PCDHGB3: variants seen among roughly 807,000 people sequenced by gnomAD.
The protein encoded by PCDHGB3 is protocadherin gamma-B3.
PCDHGB3 carries 40 observed loss-of-function variants against 59.2 expected under a neutral mutation model. That is an observed-to-expected ratio of 0.68 (90% CI 0.52 to 0.88). The LOEUF (loss-of-function observed/expected upper bound fraction) is 0.88. PCDHGB3 is among the 40% of genes least tolerant of loss of function. The pLI, the probability that PCDHGB3 is intolerant of heterozygous loss-of-function variation, is 0.00. For synonymous variants in PCDHGB3, 581 were observed against 503.6 expected, an observed-to-expected ratio of 1.15 and a Z score of -2.06; for missense variants, 1,309 against 1,187.9, an observed-to-expected ratio of 1.10 and a Z score of -1.50.
rs367905789 is a variant in PCDHGB3 at position 141,487,335 on chromosome 5, G to A, written c.2416-7472G>A. 11 of 1,614,064 alleles carry A rather than the reference G, an allele frequency of 6.8e-6. No individual in the cohort carries two copies. The highest frequency in any genetic ancestry group is 8.5e-6 in the Non-Finnish European group (10 of 1,180,044). Reference sequence around the variant, plus strand: ...TCTAAGTGTCTTCGTGGGGCAGCCTGTGGAGTCACATGCTTTCCTGCTGGC... The same window carrying A: ...TCTAAGTGTCTTCGTGGGGCAGCCTATGGAGTCACATGCTTTCCTGCTGGC... On this transcript the variant is annotated intron_variant, in intron 1 of 3. Transcript: ENST00000576222. This position sits in a 1 kb window ranked among gnomAD's most constrained non-coding sequence, Gnocchi z 5.0.
intron 1 of PCDHGB3, among the ~76,000 whole-genome samples, chr5:141,459,831 G>T (rs907978430): frequency 1.3e-5 from 2 of 152,150 alleles, no homozygotes; most frequent in Non-Finnish European, 2.9e-5. Context: ...CTTTTCATGT[G>T]TTGTCTATTT....
At chr5:141,390,611 C>A (rs1248320569) in intron 1 of PCDHGB3, 1 of 295,950 alleles carries the variant, frequency 3.4e-6, no homozygotes, top group Admixed American at 4.8e-5. Context: ...CATTTTCCTT[C>A]TTGTTGACTA....
chr5:141,433,255 A>G (rs2097579829), intron 1 of PCDHGB3: 2 of 1,401,470 alleles, frequency 1.4e-6, no homozygotes, highest in South Asian at 1.4e-5. Context: ...ATGCAGCGGT[A>G]CGATCATAGC....
intron 1 of PCDHGB3, among the ~76,000 whole-genome samples, chr5:141,444,732 A>G (rs2098445644): frequency 6.6e-6 from 1 of 152,194 alleles, no homozygotes; most frequent in Admixed American, 6.6e-5. Context: ...CTTTGTTGAA[A>G]GTCATTTCAC....
rs774211225 is a variant in PCDHGB3 at position 141,374,709 on chromosome 5, G to A, written c.2415+1900G>A. 28 of 1,608,934 alleles carry A rather than the reference G, an allele frequency of 1.7e-5. No individual in the cohort carries two copies. In the South Asian group the frequency reaches 1.9e-4, roughly 11 times the overall value. On this transcript the variant is annotated intron_variant, in intron 1 of 3. Transcript: ENST00000576222. ...GACCGGGAAGGAGAAGCCGTTTACCGCCTGGTCCTTACTGCCATGGATGGC... is the reference window on the plus strand; with the variant it reads ...GACCGGGAAGGAGAAGCCGTTTACCACCTGGTCCTTACTGCCATGGATGGC...
chr5:141,388,496 G>A (rs1296141749), intron 1 of PCDHGB3: 9 of 1,613,710 alleles, frequency 5.6e-6, no homozygotes, highest in South Asian at 4.4e-5. Context: ...ACAGAGAAAA[G>A]CAGAAATCCT....
chr5:141,432,940 T>C lies in PCDHGB3; in HGVS notation c.2415+60131T>C, dbSNP rs142546730. On this transcript the variant is annotated intron_variant, in intron 1 of 3. Transcript: ENST00000576222. This position sits in a 1 kb window ranked among gnomAD's most constrained non-coding sequence, Gnocchi z 6.0. ...GGCACAAGTCACGCCTGCTGCAGGC[T>C]TCAGGAGGCGGCTTGACAGGAGCGC... 6 of 1,614,208 alleles carry C rather than the reference T, an allele frequency of 3.7e-6. No individual in the cohort carries two copies. The highest frequency in any genetic ancestry group is 4.2e-6 in the Non-Finnish European group (5 of 1,180,040).
chr5:141,501,693 G>T (rs1417828433), intron 2 of PCDHGB3, among the ~76,000 whole-genome samples: 1 of 152,028 alleles, frequency 6.6e-6, no homozygotes, highest in Non-Finnish European at 1.5e-5. Context: ...TATCTGCAGG[G>T]TGATTCCGAG....
At chr5:141,375,806 G>A in intron 1 of PCDHGB3, 1 of 1,614,206 alleles carries the variant, frequency 6.2e-7, no homozygotes, top group Non-Finnish European at 8.5e-7. Context: ...TTCCACTGGC[G>A]TGGAGCTGGC....
intron 1 of PCDHGB3, among the ~76,000 whole-genome samples, chr5:141,444,558 T>C (rs2098440789): frequency 6.6e-6 from 1 of 152,190 alleles, no homozygotes; most frequent in African/African-American, 2.4e-5. Context: ...AAGGCACTTA[T>C]TTGACACTTT....
intron 1 of PCDHGB3, among the ~76,000 whole-genome samples, chr5:141,469,489 C>T (rs1013080566): frequency 4.6e-5 from 7 of 151,928 alleles, no homozygotes; most frequent in Middle Eastern, 3.4e-3. Context: ...GCAGGAGAAT[C>T]GCTTGAACCC....
rs1395556571 is a variant in PCDHGB3 at position 141,432,581 on chromosome 5, C to CT, written c.2415+59773dup. ...CCAGAACGCCTGGCTGTCCTACCGT[C>CT]TGCTCAAGGCCAGCGAGCCGGGACT... On this transcript the variant is annotated intron_variant, in intron 1 of 3. Coordinates refer to ENST00000576222, the MANE Select transcript of PCDHGB3 (RefSeq NM_018924.5). This position sits in a 1 kb window ranked among gnomAD's most constrained non-coding sequence, Gnocchi z 6.0. 6.2e-7 allele frequency: 1 copy of CT among 1,613,930 alleles called. No homozygotes were observed.
chr5:141,428,266 G>A (rs764763674), intron 1 of PCDHGB3: 1 of 810,620 alleles, frequency 1.2e-6, no homozygotes. Context: ...TGACAGTCCT[G>A]TGCCCTCTGA....
At chr5:141,437,660 G>A (rs1021986333) in intron 1 of PCDHGB3, among the ~76,000 whole-genome samples, 6 of 151,866 alleles carry the variant, frequency 4.0e-5, no homozygotes, top group Non-Finnish European at 5.9e-5. Flanking sequence ...ACATAGTTTC[G>A]AAGAGATGTT....
intron 1 of PCDHGB3, chr5:141,428,158 G>C (rs776350833): frequency 3.8e-6 from 6 of 1,577,610 alleles, no homozygotes; most frequent in Non-Finnish European, 5.2e-6. Context: ...GGAACCTGCT[G>C]GTTGCTGTGC....
chr5:141,421,901 G>C (rs754277661), intron 1 of PCDHGB3: 1 of 1,613,724 alleles, frequency 6.2e-7, no homozygotes, highest in East Asian at 2.2e-5. Flanking sequence ...ATCCGAAAGG[G>C]CGCAGTTCCC....
chr5:141,419,715 TG>T (rs754309862), intron 1 of PCDHGB3: 1 of 1,613,288 alleles, frequency 6.2e-7, no homozygotes, highest in South Asian at 1.1e-5. Flanking sequence ...CTCTTCAGCC[TG>T]GGGCTGCGAA....
chr5:141,381,852 A>T (rs1777673646), intron 1 of PCDHGB3, among the ~76,000 whole-genome samples: 2 of 41,770 alleles, frequency 4.8e-5, no homozygotes, highest in African/African-American at 1.3e-4. Flanking sequence ...TTTTTTTGGC[A>T]GAGTTTTGCT....
intron 3 of PCDHGB3, among the ~76,000 whole-genome samples, chr5:141,510,089 C>G (rs2099879446): frequency 6.6e-6 from 1 of 152,136 alleles, no homozygotes; most frequent in African/African-American, 2.4e-5. Flanking sequence ...GCCTGGCACA[C>G]AGTAGGTGCT....
Sources: allele counts gnomAD v4.1 joint callset (sites outside exome capture counted in the v4.1 genomes callset), GRCh38; gene constraint gnomAD v4.1.1; non-coding constraint Gnocchi (gnomAD v3.1); transcripts MANE v1.5; gene names NCBI Gene and HGNC (gene_info 2026-07-23, HGNC 2026-07-21).